Variants in ANKRD45 observed in about 807,000 individuals in gnomAD.
ANKRD45 encodes ankyrin repeat domain 45, also known as ankyrin repeat domain-containing protein 45.
ANKRD45 carries 21 observed loss-of-function variants against 28.1 expected under a neutral mutation model. That is an observed-to-expected ratio of 0.75 (90% CI 0.53 to 1.08). The LOEUF is 1.08. Among genes scored for constraint, ANKRD45 ranks in the 50% least tolerant of loss-of-function variants. The probability of loss-of-function intolerance (pLI) is 0.00; values close to 1 mark genes in which losing one functional copy is unlikely to be tolerated. For synonymous variants in ANKRD45, 86 were observed against 103.9 expected, an observed-to-expected ratio of 0.83 and a Z score of 1.05; for missense variants, 261 against 308.7, an observed-to-expected ratio of 0.85 and a Z score of 1.16.
chr1:173,689,135 C>A, the ANKRD45 span, among the ~76,000 whole-genome samples: 2 of 152,210 alleles, frequency 1.3e-5, no homozygotes, highest in East Asian at 3.9e-4. Context: ...GGGCTTCTTT[C>A]TCCTTTCTTA....
intron 3 of ANKRD45, among the ~76,000 whole-genome samples, chr1:173,632,768 T>A (rs1668251580): frequency 6.6e-6 from 1 of 151,976 alleles, no homozygotes. Flanking sequence ...ACACAAACCA[T>A]ATGATCATTT....
chr1:173,672,214 T>A (rs1670282789), upstream of ANKRD45, among the ~76,000 whole-genome samples: 1 of 152,168 alleles, frequency 6.6e-6, no homozygotes, highest in Non-Finnish European at 1.5e-5. Context: ...TTCAAATAAG[T>A]TGTGGTAATC....
intron 5 of ANKRD45, among the ~76,000 whole-genome samples, chr1:173,616,804 T>C (rs78601748): frequency 6.6e-6 from 1 of 152,130 alleles, no homozygotes; most frequent in African/African-American, 2.4e-5. Context: ...AGTGAGTGAA[T>C]TCAGCACCTT....
chr1:173,628,779 A>T (rs1191227016), intron 3 of ANKRD45, among the ~76,000 whole-genome samples: 1 of 152,080 alleles, frequency 6.6e-6, no homozygotes, highest in Non-Finnish European at 1.5e-5. Context: ...TTGGGCCTTG[A>T]GTGAATATAA....
chr1:173,658,216 C>A, intron 2 of ANKRD45: 1 of 198,498 alleles, frequency 5.0e-6, no homozygotes, highest in Non-Finnish European at 1.1e-5. Flanking sequence ...CCCAGCTACT[C>A]AGGAAGCTAA....
intron 2 of ANKRD45, 55 bp downstream of exon 2, chr1:173,659,036 A>C: frequency 6.4e-7 from 1 of 1,570,096 alleles, no homozygotes; most frequent in Non-Finnish European, 8.6e-7. Flanking sequence ...AAGATATTAC[A>C]TTGCATCTTT....
At chr1:173,631,057 A>G (rs1668177842) in intron 3 of ANKRD45, among the ~76,000 whole-genome samples, 1 of 152,026 alleles carries the variant, frequency 6.6e-6, no homozygotes, top group South Asian at 2.1e-4. Context: ...TCAAAGATCC[A>G]ATTATCTGTT....
chr1:173,706,306 A>AAC, the ANKRD45 span, among the ~76,000 whole-genome samples: 1 of 151,154 alleles, frequency 6.6e-6, no homozygotes, highest in Non-Finnish European at 1.5e-5. Flanking sequence ...CGTCTCAAAA[A>AAC]AAAAAAAAAA....
intron 5 of ANKRD45, among the ~76,000 whole-genome samples, chr1:173,617,976 A>G (rs1425309913): frequency 6.6e-6 from 1 of 152,192 alleles, no homozygotes; most frequent in Non-Finnish European, 1.5e-5. Flanking sequence ...TGAAACCTCC[A>G]GGTAGAGGAA....
intron 1 of ANKRD45, among the ~76,000 whole-genome samples, chr1:173,662,912 C>T (rs1403513843): frequency 1.3e-5 from 2 of 152,046 alleles, no homozygotes; most frequent in African/African-American, 4.8e-5. Context: ...AGTTGAGTTA[C>T]CCAATCAACA....
intron 3 of ANKRD45, among the ~76,000 whole-genome samples, chr1:173,645,461 T>C (rs376773539): frequency 1.3e-5 from 2 of 152,218 alleles, no homozygotes; most frequent in African/African-American, 4.8e-5. Flanking sequence ...TGCCAGGTAT[T>C]GTGGTAACTG....
intron 2 of ANKRD45, among the ~76,000 whole-genome samples, chr1:173,656,168 A>G (rs1304930045): frequency 6.6e-6 from 1 of 152,170 alleles, no homozygotes; most frequent in East Asian, 1.9e-4. Context: ...AAATGCAGAA[A>G]TCACCCGTCT....
At chr1:173,688,286 ATCTT>A in the ANKRD45 span, among the ~76,000 whole-genome samples, 1 of 151,796 alleles carries the variant, frequency 6.6e-6, no homozygotes, top group South Asian at 2.1e-4. Flanking sequence ...TCTTTACTAC[ATCTT>A]TCTTTCTCTC....
chr1:173,656,839 G>A (rs1303550123), intron 2 of ANKRD45, among the ~76,000 whole-genome samples: 1 of 151,804 alleles, frequency 6.6e-6, no homozygotes, highest in Non-Finnish European at 1.5e-5. Context: ...TTCGCTTTGG[G>A]TTTTTGATAG....
intron 5 of ANKRD45, among the ~76,000 whole-genome samples, chr1:173,613,710 C>A (rs1443479121): frequency 7.9e-5 from 12 of 152,096 alleles, no homozygotes; most frequent in African/African-American, 2.7e-4. Flanking sequence ...CTCTGCCCGG[C>A]CGCCCCTTCT....
chr1:173,688,477 C>CCT, the ANKRD45 span, among the ~76,000 whole-genome samples: 1 of 121,702 alleles, frequency 8.2e-6, no homozygotes, highest in African/African-American at 3.2e-5. Flanking sequence ...TCTACCTCTT[C>CCT]CTCTCTCTCT....
chr1:173,682,684 T>TACGCACACACACACACACACACACAC, the ANKRD45 span, among the ~76,000 whole-genome samples: 44 of 144,036 alleles, frequency 3.1e-4, no homozygotes, highest in Non-Finnish European at 4.9e-4. Context: ...GCCTTTTAAA[T>TACGCACACACACACACACACACACAC]ACACACACAC....
chr1:173,672,118 C>T (rs961194302), upstream of ANKRD45, among the ~76,000 whole-genome samples: 1 of 152,138 alleles, frequency 6.6e-6, no homozygotes, highest in Non-Finnish European at 1.5e-5. Context: ...TACAGATTCA[C>T]CACCAGTAAC....
intron 5 of ANKRD45, among the ~76,000 whole-genome samples, chr1:173,618,146 C>T (rs114577560): frequency 6.6e-6 from 1 of 152,156 alleles, no homozygotes; most frequent in African/African-American, 2.4e-5. Flanking sequence ...ATTCAAAGGT[C>T]AGCAACCTCA....
Sources: allele counts gnomAD v4.1 joint callset (sites outside exome capture counted in the v4.1 genomes callset), GRCh38; gene constraint gnomAD v4.1.1; transcripts MANE v1.5; gene names NCBI Gene and HGNC (gene_info 2026-07-23, HGNC 2026-07-21).